EHBP1: variants seen among roughly 807,000 people sequenced by gnomAD.
EHBP1 encodes EH domain-binding protein 1.
Under a neutral mutation model 144.0 loss-of-function variants are expected in EHBP1, and 55 were observed. That is an observed-to-expected ratio of 0.38 (90% CI 0.31 to 0.48). The LOEUF (loss-of-function observed/expected upper bound fraction) is 0.48. Among genes scored for constraint, EHBP1 ranks in the 20% least tolerant of loss-of-function variants. EHBP1 has a pLI of 0.98. For missense variants in EHBP1, 1,200 were observed against 1,364.2 expected, an observed-to-expected ratio of 0.88 and a Z score of 1.90; for synonymous variants, 469 against 472.7, an observed-to-expected ratio of 0.99 and a Z score of 0.10.
At position 62,948,748 on chromosome 2, in the gene EHBP1, T is replaced by C. The variant is rs768753649; in HGVS notation, c.1902T>C (p.Pro634=). Residue 634 remains proline (P), a synonymous_variant, in exon 13 of 23, where the codon CCT becomes CCC. Coordinates refer to ENST00000431489, the MANE Select transcript of EHBP1 (RefSeq NM_001142616.3). ...SSGRTSGSDD[P]GICSNTDSTQ... is the part of the protein sequence containing the mutation. Reference sequence around the variant, plus strand: ...GAAGGACTTCAGGATCTGATGACCCTGGAATATGTTCCAATACAGATTCAA... The same window carrying C: ...GAAGGACTTCAGGATCTGATGACCCCGGAATATGTTCCAATACAGATTCAA... 2.5e-6 allele frequency: 4 copies of C among 1,614,028 alleles called. No individual in the cohort carries two copies. The highest frequency in any genetic ancestry group is 1.7e-5 in the Admixed American group (1 of 60,004).
chr2:62,686,998 T>C (rs1159666062), intron 1 of EHBP1, among the ~76,000 whole-genome samples: 5 of 152,178 alleles, frequency 3.3e-5, no homozygotes, highest in Admixed American at 2.0e-4. Flanking sequence ...AAAGAAACCA[T>C]TCAACTGGTA....
Position 63,027,919 on chromosome 2 carries a change from T to TTTTG in EHBP1, c.3104-9596_3104-9593dup, listed in dbSNP as rs568499486. Among the ~76,000 whole-genome samples, 841 of 152,134 alleles carry TTTTG rather than the reference T, an allele frequency of 5.5e-3. 4 individuals carry two copies. Among genetic ancestry groups the TTTTG allele is most frequent in the Non-Finnish European group, 8.6e-3 (586 of 67,992 alleles). ...ATTGTACAACGTGGTGAGTATATGT[T>TTTTG]TTTGTTTGTTTGTTTGTTTGTTTTT... On this transcript the variant is annotated intron_variant, in intron 19 of 22. Transcript: ENST00000431489.
intron 14 of EHBP1, among the ~76,000 whole-genome samples, chr2:62,971,074 A>G (rs1388840447): frequency 6.6e-6 from 1 of 152,216 alleles, no homozygotes; most frequent in Non-Finnish European, 1.5e-5. Context: ...TAGTGCATCT[A>G]TCTATGGCAG....
Position 62,798,936 on chromosome 2 carries a change from G to A in EHBP1, c.313-27151G>A, listed in dbSNP as rs1211093017. ...GGAGAATGGCGTGAACCTGGGAGGC[G>A]GAGCTTGCAGTGAGCCGAGATCGTG... On this transcript the variant is annotated intron_variant, in intron 5 of 22. Coordinates refer to ENST00000431489, the MANE Select transcript of EHBP1 (RefSeq NM_001142616.3). Among the ~76,000 whole-genome samples, 12 of 149,178 alleles carry A rather than the reference G, an allele frequency of 8.0e-5. No homozygotes were observed. In the East Asian group the frequency reaches 1.6e-3, roughly 20 times the overall value.
At chr2:62,882,215 C>T (rs942529168) in intron 10 of EHBP1, among the ~76,000 whole-genome samples, 1 of 152,178 alleles carries the variant, frequency 6.6e-6, no homozygotes, top group Non-Finnish European at 1.5e-5. Context: ...CTCATTCAGC[C>T]ATTCCATAAG....
chr2:63,024,141 C>T (rs947980609), intron 19 of EHBP1, among the ~76,000 whole-genome samples: 1 of 151,950 alleles, frequency 6.6e-6, no homozygotes, highest in African/African-American at 2.4e-5. Flanking sequence ...GTCAGGAGTT[C>T]GAGACCAGCC....
rs142793321 is a variant in EHBP1, at chr2:63,010,260, A to T, written c.3103+13494A>T. Among the ~76,000 whole-genome samples, 1,535 of 151,588 alleles carry T rather than the reference A, an allele frequency of 0.01. 17 individuals carry two copies. In the Middle Eastern group the frequency reaches 0.12, roughly 11 times the overall value. On this transcript the variant is annotated intron_variant, in intron 19 of 22. Transcript: ENST00000431489. ...TTACTGATAAAAACACTGAATCCAG[A>T]ATTAGAGGTTGGCTCAAAGCTATAA...
At chr2:62,774,956 G>T (rs1384763033) in intron 5 of EHBP1, among the ~76,000 whole-genome samples, 1 of 152,160 alleles carries the variant, frequency 6.6e-6, no homozygotes, top group Non-Finnish European at 1.5e-5. Context: ...CTGTATGAAA[G>T]ATTTAGTATG....
chr2:62,734,398 T>TC, intron 2 of EHBP1, among the ~76,000 whole-genome samples: 1 of 144,628 alleles, frequency 6.9e-6, no homozygotes, highest in Admixed American at 7.0e-5. Context: ...GTGGCATGTG[T>TC]CTTTTTTTTT....
intron 13 of EHBP1, among the ~76,000 whole-genome samples, chr2:62,950,955 G>C (rs989518681): frequency 6.6e-6 from 1 of 152,194 alleles, no homozygotes; most frequent in Non-Finnish European, 1.5e-5. Context: ...AAAGTGCTGA[G>C]ATTACAGGTG....
intron 19 of EHBP1, among the ~76,000 whole-genome samples, chr2:63,010,913 C>G (rs1215844153): frequency 1.3e-5 from 2 of 151,576 alleles, no homozygotes; most frequent in African/African-American, 4.8e-5. Flanking sequence ...TAACCAAATT[C>G]TAGAACATTT....
At chr2:62,734,091 C>T (rs1342957043) in intron 2 of EHBP1, among the ~76,000 whole-genome samples, 1 of 152,170 alleles carries the variant, frequency 6.6e-6, no homozygotes, top group African/African-American at 2.4e-5. Context: ...ACATGCTTGA[C>T]TGGAAAGTAG....
At position 62,826,062 on chromosome 2, in the gene EHBP1, ACTTTTTTT is replaced by A; in HGVS notation, c.313-24_313-17del. On this transcript the variant is annotated splice_polypyrimidine_tract_variant and intron_variant, in intron 5 of 22. Coordinates refer to ENST00000431489, the MANE Select transcript of EHBP1 (RefSeq NM_001142616.3). ...GCTATAAAATAACTCAAAATTACATACTTTTTTTTTCTTTAATCTTCCAGGAATCCCCT... is the reference window on the plus strand; with the variant it reads ...GCTATAAAATAACTCAAAATTACATATTCTTTAATCTTCCAGGAATCCCCT... 1.4e-6 allele frequency: 2 copies of A among 1,420,816 alleles called. No homozygotes were observed. The highest frequency in any genetic ancestry group is 1.9e-6 in the Non-Finnish European group (2 of 1,076,588). 88.0% of individuals were successfully genotyped at this position (1,420,816 alleles called of 1,614,324 possible).
chr2:62,748,044 C>T (rs1461013755), intron 3 of EHBP1, among the ~76,000 whole-genome samples: 1 of 152,052 alleles, frequency 6.6e-6, no homozygotes, highest in Non-Finnish European at 1.5e-5. Context: ...CATGTTGTTA[C>T]ACCAACACAA....
chr2:62,836,505 G>C (rs1167695783), intron 7 of EHBP1, among the ~76,000 whole-genome samples: 1 of 143,572 alleles, frequency 7.0e-6, no homozygotes, highest in Non-Finnish European at 1.5e-5. Flanking sequence ...TGACTTTGAC[G>C]AGCTGAGAGA....
In EHBP1 at chr2:62,948,841, A is replaced by C; in HGVS notation, c.1995A>C (p.Leu665Phe). ...LKAETLELSD[L>F]YVSDKKKDMS... ...CTGAGACTTTAGAATTGAGTGACTTATATGTTAGTGATAAGAAGAAGGATA... is the reference window on the plus strand; with the variant it reads ...CTGAGACTTTAGAATTGAGTGACTTCTATGTTAGTGATAAGAAGAAGGATA... Residue 665 changes from leucine (L) to phenylalanine (F), a missense_variant, in exon 13 of 23, where the codon TTA (leucine) becomes TTC (phenylalanine). Physicochemically the swap from Leu to Phe is conservative, Grantham distance 22 (BLOSUM62 0). This residue lies in a region of EHBP1 where 543 missense variants were observed against 513.1 expected (regional missense o/e 1.06). Transcript: ENST00000431489. 1 of 1,614,142 alleles carries C rather than the reference A, an allele frequency of 6.2e-7. No individual in the cohort carries two copies. Among genetic ancestry groups the C allele is most frequent in the Non-Finnish European group, 8.5e-7 (1 of 1,179,994 alleles).
Position 62,990,875 on chromosome 2 carries a change from A to C in EHBP1, c.2733+35A>C, listed in dbSNP as rs745718830. 1.9e-6 allele frequency: 3 copies of C among 1,565,130 alleles called. No individual in the cohort carries two copies. The South Asian group carries it at 3.6e-5, about 19-fold the overall frequency. On this transcript the variant is annotated intron_variant, in intron 16 of 22. Transcript: ENST00000431489. ...ACTTGTTTAAAACATTTGGCTTAGT[A>C]TCTGTGTCTTCTAGTTTCTGCCAGG... is the stretch of plus-strand genomic sequence containing the variant.
intron 3 of EHBP1, among the ~76,000 whole-genome samples, chr2:62,750,789 G>A (rs907117627): frequency 4.6e-5 from 7 of 152,220 alleles, no homozygotes; most frequent in East Asian, 1.9e-4. Context: ...CTGTTTGTCT[G>A]TTATTGGTGT....
chr2:62,763,304 G>A (rs934613974), intron 3 of EHBP1, among the ~76,000 whole-genome samples: 1 of 151,488 alleles, frequency 6.6e-6, no homozygotes, highest in African/African-American at 2.4e-5. Context: ...TCTTCCTACT[G>A]TATTGTAAAC....
Sources: gnomAD v4.1 joint callset for allele counts (sites outside exome capture counted in the v4.1 genomes callset) on GRCh38, gnomAD v4.1.1 for gene constraint, gnomAD v4.1.1 regional missense constraint, MANE v1.5 for transcripts, NCBI Gene and HGNC (gene_info 2026-07-23, HGNC 2026-07-21) for gene names.